OR14A2: variants seen among roughly 807,000 people sequenced by gnomAD.
OR14A2 encodes olfactory receptor family 14 subfamily A member 2.
For synonymous variants in OR14A2, 114 were observed against 58.6 expected, an observed-to-expected ratio of 1.95 and a Z score of -4.32; for missense variants, 237 against 152.9, an observed-to-expected ratio of 1.55 and a Z score of -2.90.
the OR14A2 span, chr1:247,739,550 G>T: frequency 1.3e-6 from 1 of 773,156 alleles, no homozygotes; most frequent in South Asian, 1.4e-5. Context: ...GTGGGGTAAT[G>T]AAAAGATGAC....
chr1:247,738,598 G>A, the OR14A2 span: 11 of 763,090 alleles, frequency 1.4e-5, no homozygotes, highest in East Asian at 7.3e-5. Context: ...TCCATAGGGC[G>A]CTTATAATTT....
chr1:247,731,587 C>T, the OR14A2 span, among the ~76,000 whole-genome samples: 3 of 151,540 alleles, frequency 2.0e-5, no homozygotes, highest in African/African-American at 4.8e-5. Flanking sequence ...TTTTCTCCTT[C>T]CAATTCATCA....
upstream of OR14A2, among the ~76,000 whole-genome samples, chr1:247,725,719 C>T (rs1360711117): frequency 8.0e-6 from 1 of 124,662 alleles, no homozygotes; most frequent in Admixed American, 8.6e-5. Context: ...GTGTGATATT[C>T]CCCTTCCTGT....
chr1:247,746,437 G>T, the OR14A2 span: 5 of 152,188 alleles, frequency 3.3e-5, no homozygotes, highest in African/African-American at 1.2e-4. Flanking sequence ...ATAAAGAAGA[G>T]AACCATGCTA....
chr1:247,724,127 A>G (rs149496467), upstream of OR14A2: 932 of 604,820 alleles, frequency 1.5e-3, 6 homozygotes, highest in African/African-American at 0.015. Flanking sequence ...ATTAGTCTAT[A>G]CAGACTAGCA....
the OR14A2 span, among the ~76,000 whole-genome samples, chr1:247,743,342 A>G: frequency 6.6e-6 from 1 of 152,234 alleles, no homozygotes; most frequent in East Asian, 1.9e-4. Flanking sequence ...TGGAGTGTCT[A>G]TAATGGCAGC....
chr1:247,747,442 A>G, the OR14A2 span, among the ~76,000 whole-genome samples: 1 of 151,048 alleles, frequency 6.6e-6, no homozygotes, highest in Non-Finnish European at 1.5e-5. Flanking sequence ...GCTCACTGCA[A>G]GCTCTGCCTC....
the OR14A2 span, chr1:247,738,572 A>G: frequency 1.4e-6 from 1 of 719,098 alleles, no homozygotes; most frequent in South Asian, 1.6e-5. Flanking sequence ...TTAGTATGAC[A>G]CTTATTTTCC....
the OR14A2 span, among the ~76,000 whole-genome samples, chr1:247,732,088 T>A: frequency 6.6e-6 from 1 of 152,186 alleles, no homozygotes; most frequent in Non-Finnish European, 1.5e-5. Context: ...TTGGTATGGC[T>A]GAATATCTTT....
chr1:247,738,938 A>T, the OR14A2 span: 1 of 780,660 alleles, frequency 1.3e-6, no homozygotes, highest in Admixed American at 1.7e-5. Flanking sequence ...TGGCTGGATC[A>T]GAGATTGGCA....
chr1:247,724,751 A>C (rs933841466), upstream of OR14A2, among the ~76,000 whole-genome samples: 3 of 152,140 alleles, frequency 2.0e-5, no homozygotes, highest in African/African-American at 2.4e-5. Context: ...CTAAAGCCAC[A>C]TCATTATAAG....
chr1:247,746,881 T>A, the OR14A2 span: 1 of 152,168 alleles, frequency 6.6e-6, no homozygotes, highest in African/African-American at 2.4e-5. Context: ...CTTGTTGTTA[T>A]TGAAGGACTA....
chr1:247,731,340 C>A, the OR14A2 span, among the ~76,000 whole-genome samples: 1 of 151,930 alleles, frequency 6.6e-6, no homozygotes, highest in Admixed American at 6.6e-5. Flanking sequence ...AGTCATTATT[C>A]ACAGTATTTT....
chr1:247,745,343 A>T, the OR14A2 span, among the ~76,000 whole-genome samples: 1 of 152,016 alleles, frequency 6.6e-6, no homozygotes. Context: ...ACACATTTAA[A>T]ATACTCCTGC....
the OR14A2 span, chr1:247,747,068 A>G: frequency 6.6e-6 from 1 of 152,210 alleles, no homozygotes; most frequent in Non-Finnish European, 1.5e-5. Flanking sequence ...TTCAATTGAG[A>G]TTTGAGTTCA....
chr1:247,734,931 G>C, the OR14A2 span, among the ~76,000 whole-genome samples: 1 of 152,138 alleles, frequency 6.6e-6, no homozygotes, highest in African/African-American at 2.4e-5. Context: ...TGGAAATTAC[G>C]TGAATATAAT....
At chr1:247,742,399 G>T in the OR14A2 span, among the ~76,000 whole-genome samples, 5 of 143,118 alleles carry the variant, frequency 3.5e-5, no homozygotes, top group East Asian at 1.0e-3. Flanking sequence ...AGTGAAGACT[G>T]TGTTCACCAC....
the OR14A2 span, among the ~76,000 whole-genome samples, chr1:247,735,991 C>A: frequency 6.6e-6 from 1 of 151,426 alleles, no homozygotes; most frequent in African/African-American, 2.5e-5. Flanking sequence ...AAAGCATTCT[C>A]ACCGGCCTTT....
chr1:247,727,915 A>G (rs1221341059), upstream of OR14A2, among the ~76,000 whole-genome samples: 1 of 145,140 alleles, frequency 6.9e-6, no homozygotes, highest in African/African-American at 2.8e-5. Context: ...AGGAGCTGAA[A>G]TTGTGGCAAT....
Sources: gnomAD v4.1 joint callset for allele counts (sites outside exome capture counted in the v4.1 genomes callset) on GRCh38, gnomAD v4.1.1 for gene constraint, MANE v1.5 for transcripts, NCBI Gene and HGNC (gene_info 2026-07-23, HGNC 2026-07-21) for gene names.